The following LRRTM4 variants were observed in gnomAD, a reference collection of about 807,000 sequenced individuals.
The protein encoded by LRRTM4 is leucine-rich repeat transmembrane neuronal protein 4.
LRRTM4 carries 25 observed loss-of-function variants against 47.6 expected under a neutral mutation model. The observed-to-expected ratio is 0.53, with a 90% confidence interval of 0.38 to 0.73. LRRTM4 has a LOEUF of 0.73. Ranked by LOEUF, LRRTM4 falls within the 30% of genes least tolerant of loss-of-function variation. The pLI, the probability that LRRTM4 is intolerant of heterozygous loss-of-function variation, is 0.00. For missense variants in LRRTM4, 638 were observed against 713.4 expected (o/e 0.89, Z 1.20); for synonymous variants, 311 against 269.5 (o/e 1.15, Z -1.51).
At chr2:77,319,374 C>T (rs955203077) in intron 3 of LRRTM4, among the ~76,000 whole-genome samples, 1 of 150,480 alleles carries the variant, frequency 6.6e-6, no homozygotes, top group Non-Finnish European at 1.5e-5. Context: ...GCTACAAGAG[C>T]GAAACTCCAC....
chr2:77,433,627 CT>C (rs1274106586), intron 3 of LRRTM4, among the ~76,000 whole-genome samples: 1 of 152,128 alleles, frequency 6.6e-6, no homozygotes, highest in Non-Finnish European at 1.5e-5. Context: ...ATTTTCCATT[CT>C]TCATTGCCAT....
intron 3 of LRRTM4, among the ~76,000 whole-genome samples, chr2:77,410,547 T>C (rs1264523986): frequency 6.6e-6 from 1 of 152,056 alleles, no homozygotes; most frequent in Admixed American, 6.6e-5. Flanking sequence ...ATGAGATAGA[T>C]CCTATGGGAA....
chr2:77,085,014 G>A (rs1680663500), intron 3 of LRRTM4, among the ~76,000 whole-genome samples: 1 of 152,052 alleles, frequency 6.6e-6, no homozygotes, highest in South Asian at 2.1e-4. Context: ...TGCTTATAAT[G>A]CAACAATGGA....
At chr2:77,475,408 A>G (rs1573464113) in intron 3 of LRRTM4, among the ~76,000 whole-genome samples, 1 of 152,068 alleles carries the variant, frequency 6.6e-6, no homozygotes, top group African/African-American at 2.4e-5. Flanking sequence ...TAGATATCAC[A>G]TTACTATCAT....
At chr2:77,357,061 A>T (rs1374328471) in intron 3 of LRRTM4, among the ~76,000 whole-genome samples, 1 of 152,096 alleles carries the variant, frequency 6.6e-6, no homozygotes, top group Non-Finnish European at 1.5e-5. Context: ...TATACTTTAC[A>T]TTTACTTTTC....
chr2:77,060,992 C>G (rs1333046606), intron 3 of LRRTM4, among the ~76,000 whole-genome samples: 1 of 151,860 alleles, frequency 6.6e-6, no homozygotes, highest in Non-Finnish European at 1.5e-5. Flanking sequence ...GTAAAAAACA[C>G]AACAGTTTAC....
intron 3 of LRRTM4, among the ~76,000 whole-genome samples, chr2:77,041,636 T>C (rs989124657): frequency 6.6e-6 from 1 of 151,412 alleles, no homozygotes; most frequent in Admixed American, 6.6e-5. Flanking sequence ...TTGATTCACA[T>C]TTCTCTGATG....
intron 3 of LRRTM4, among the ~76,000 whole-genome samples, chr2:76,888,292 T>C (rs1296000744): frequency 2.6e-5 from 4 of 151,394 alleles, no homozygotes; most frequent in Admixed American, 6.6e-5. Context: ...GGTATACTAA[T>C]ATGTAATTAA....
chr2:77,396,237 G>A (rs1673697732), intron 3 of LRRTM4, among the ~76,000 whole-genome samples: 1 of 151,782 alleles, frequency 6.6e-6, no homozygotes, highest in Admixed American at 6.6e-5. Flanking sequence ...TTACACATAT[G>A]TATTCTATAT....
intron 3 of LRRTM4, among the ~76,000 whole-genome samples, chr2:76,993,358 G>A (rs539647773): frequency 2.0e-5 from 3 of 151,928 alleles, no homozygotes; most frequent in African/African-American, 4.8e-5. Flanking sequence ...TGCAAACTAT[G>A]TATCTGACAA....
chr2:77,449,507 G>A (rs543713239), intron 3 of LRRTM4, among the ~76,000 whole-genome samples: 1 of 152,178 alleles, frequency 6.6e-6, no homozygotes, highest in East Asian at 1.9e-4. Flanking sequence ...CATCTCATGA[G>A]ATAAAGCATT....
chr2:77,029,924 C>G (rs114013432), intron 3 of LRRTM4, among the ~76,000 whole-genome samples: 2,744 of 152,160 alleles, frequency 0.018, 75 homozygotes, highest in African/African-American at 0.062. Flanking sequence ...AATTAAAACA[C>G]ATTAAATAAA....
intron 3 of LRRTM4, among the ~76,000 whole-genome samples, chr2:77,025,085 G>C (rs1452769532): frequency 6.6e-6 from 1 of 152,062 alleles, no homozygotes; most frequent in Non-Finnish European, 1.5e-5. Context: ...TTCATAATTA[G>C]TGGGAATTTA....
chr2:76,916,070 C>G (rs1674232766), intron 3 of LRRTM4, among the ~76,000 whole-genome samples: 1 of 151,318 alleles, frequency 6.6e-6, no homozygotes. Context: ...AATGATGAGA[C>G]AGAAGAACAA....
At chr2:77,354,090 G>T (rs1408850924) in intron 3 of LRRTM4, among the ~76,000 whole-genome samples, 1 of 152,166 alleles carries the variant, frequency 6.6e-6, no homozygotes, top group Non-Finnish European at 1.5e-5. Flanking sequence ...AGGAGTGTCA[G>T]CTTCTGGGTC....
chr2:77,508,275 G>A (rs142785125), intron 3 of LRRTM4, among the ~76,000 whole-genome samples: 304 of 152,172 alleles, frequency 2.0e-3, no homozygotes, highest in Non-Finnish European at 3.2e-3. Flanking sequence ...GGGATTACTC[G>A]ACACAAACTC....
At chr2:76,840,216 GATTT>G (rs1300425956) in intron 3 of LRRTM4, among the ~76,000 whole-genome samples, 2 of 152,108 alleles carry the variant, frequency 1.3e-5, no homozygotes, top group Non-Finnish European at 1.5e-5. Flanking sequence ...GATCAACTTG[GATTT>G]ATTTTTTTCC....
intron 3 of LRRTM4, among the ~76,000 whole-genome samples, chr2:77,368,410 G>C (rs1390891313): frequency 6.6e-6 from 1 of 151,634 alleles, no homozygotes; most frequent in Non-Finnish European, 1.5e-5. Context: ...GAGGTACCAT[G>C]AGGTACTCCT....
intron 3 of LRRTM4, among the ~76,000 whole-genome samples, chr2:77,304,008 T>A (rs1456042186): frequency 6.6e-6 from 1 of 152,158 alleles, no homozygotes; most frequent in African/African-American, 2.4e-5. Context: ...ATCATTTTAT[T>A]TTTAACTTTT....
Sources: allele counts gnomAD v4.1 joint callset (sites outside exome capture counted in the v4.1 genomes callset), GRCh38; gene constraint gnomAD v4.1.1; transcripts MANE v1.5; gene names NCBI Gene and HGNC (gene_info 2026-07-23, HGNC 2026-07-21).